DDX11: variants seen among roughly 807,000 people sequenced by gnomAD.
The protein encoded by DDX11 is ATP-dependent DNA helicase DDX11.
In DDX11, 72 loss-of-function variants were observed where a neutral mutation model predicts 125.2. The observed-to-expected ratio is 0.58, with a 90% CI of 0.48 to 0.70. DDX11 has a LOEUF of 0.70. Ranked by LOEUF, DDX11 falls within the 30% of genes least tolerant of loss-of-function variation. The pLI, the probability that DDX11 is intolerant of heterozygous loss-of-function variation, is 0.00. For missense variants in DDX11, 883 were observed against 1,165.0 expected, an observed-to-expected ratio of 0.76 and a Z score of 3.52; for synonymous variants, 347 against 452.6, an observed-to-expected ratio of 0.77 and a Z score of 2.96.
intron 6 of DDX11, among the ~76,000 whole-genome samples, chr12:31,088,502 G>A (rs953035785): frequency 2.0e-5 from 3 of 152,208 alleles, no homozygotes; most frequent in Non-Finnish European, 4.4e-5. Context: ...GGAGGGCTAT[G>A]GGTTGTGTAT....
intron 2 of DDX11, among the ~76,000 whole-genome samples, chr12:31,079,731 T>C (rs550115572): frequency 9.8e-5 from 15 of 152,324 alleles, no homozygotes; most frequent in African/African-American, 3.4e-4. Flanking sequence ...TCCTCCCCTC[T>C]CAGCCTCCCA....
rs1210865530 is a variant in DDX11, at chr12:31,093,299, G to A, written c.1344G>A (p.Leu448=). Residue 448 remains leucine (L), a synonymous_variant, in exon 12 of 27, where the codon CTG becomes CTA. Coordinates refer to ENST00000542838, the MANE Select transcript of DDX11 (RefSeq NM_030653.4). ...ACCTGAAGCAGATCCTGTATTTGCTGGAGAAATTCGTGGCTGTGCTAGGGG... is the reference window on the plus strand; with the variant it reads ...ACCTGAAGCAGATCCTGTATTTGCTAGAGAAATTCGTGGCTGTGCTAGGGG... The part of the protein sequence containing the change: ...LMYLKQILYL[L]EKFVAVLGGN... 1 of 1,613,652 alleles carries A rather than the reference G, an allele frequency of 6.2e-7. No individual in the cohort carries two copies. The highest frequency in any genetic ancestry group is 8.5e-7 in the Non-Finnish European group (1 of 1,179,834).
rs1942854568 is a variant in DDX11 at position 31,085,131 on chromosome 12, G to T, written c.638+5G>T. 2 of 1,555,858 alleles carry T rather than the reference G, an allele frequency of 1.3e-6. No homozygotes were observed. Among genetic ancestry groups the T allele is most frequent in the Non-Finnish European group, 1.7e-6 (2 of 1,150,002 alleles). On this transcript the variant is annotated splice_donor_5th_base_variant and intron_variant, in intron 5 of 26. Transcript: ENST00000542838. The stretch of plus-strand genomic sequence containing the variant: ...GGAGAAAAAGGTGGCGAGCAGGTGA[G>T]ACAGAGGCGGTAGCACTACCCTGCC...
At chr12:31,095,953 C>T (rs1945149564) in intron 14 of DDX11, among the ~76,000 whole-genome samples, 2 of 152,188 alleles carry the variant, frequency 1.3e-5, no homozygotes, top group African/African-American at 2.4e-5. Flanking sequence ...GACTGAGTGG[C>T]ACTGCCCCAG....
intron 5 of DDX11, chr12:31,086,052 C>T: frequency 4.4e-6 from 2 of 454,450 alleles, no homozygotes; most frequent in Non-Finnish European, 8.8e-6. Context: ...CCTCCAGCCG[C>T]CATCCACCAG....
rs1565941863 is a variant in DDX11 at position 31,103,701 on chromosome 12, C to T, written c.2661C>T (p.Thr887=). The T allele has an allele frequency of 1.9e-6, 3 of 1,613,964 alleles. No individual in the cohort carries two copies. The highest frequency in any genetic ancestry group is 2.2e-5 in the South Asian group (2 of 91,066). ...GAGCCCGTGTGGAGGTCAAAGCTAC[C>T]TTTGGCCCCGCCATTGCTGCTGTGC... ...WIRARVEVKA[T]FGPAIAAVQK... The change falls in exon 26 of 27, where the codon ACC becomes ACT. Residue 887 remains threonine, a synonymous_variant. Coordinates refer to ENST00000542838, the MANE Select transcript of DDX11 (RefSeq NM_030653.4).
intron 23 of DDX11, 76 bp from the exon 24 acceptor site, chr12:31,102,859 CG>C (rs1565936738): frequency 2.3e-6 from 3 of 1,319,310 alleles, no homozygotes; most frequent in Non-Finnish European, 3.3e-6. Flanking sequence ...AGGGGTAGAA[CG>C]GAGCAGCTGG....
intron 1 of DDX11, among the ~76,000 whole-genome samples, chr12:31,075,861 A>G (rs1223390342): frequency 2.6e-5 from 4 of 152,244 alleles, no homozygotes; most frequent in African/African-American, 9.6e-5. Context: ...CTATGAATAA[A>G]TTAAATACAG....
intron 12 of DDX11, chr12:31,093,734 A>T (rs1299606847): frequency 4.8e-6 from 1 of 210,358 alleles, no homozygotes; most frequent in Non-Finnish European, 9.1e-6. Flanking sequence ...AAAAAAAAAA[A>T]AAAAAAAAAA....
intron 1 of DDX11, among the ~76,000 whole-genome samples, chr12:31,077,569 C>T (rs1335779357): frequency 4.6e-5 from 7 of 151,890 alleles, no homozygotes; most frequent in Non-Finnish European, 8.8e-5. Context: ...ACGTGTAGGC[C>T]GGGTGCGGTG....
At chr12:31,086,662 A>T (rs1943219264) in intron 5 of DDX11, among the ~76,000 whole-genome samples, 1 of 150,052 alleles carries the variant, frequency 6.7e-6, no homozygotes, top group South Asian at 2.1e-4. Flanking sequence ...GGTGGTGAAT[A>T]TTAAAGGAAC....
intron 2 of DDX11, among the ~76,000 whole-genome samples, chr12:31,079,798 T>G (rs2140431264): frequency 6.6e-6 from 1 of 152,262 alleles, no homozygotes; most frequent in East Asian, 1.9e-4. Flanking sequence ...ATACACAGCT[T>G]CTTTTGTTTT....
intron 9 of DDX11, chr12:31,091,433 G>A (rs986901909): frequency 1.3e-5 from 5 of 398,784 alleles, no homozygotes; most frequent in Non-Finnish European, 2.3e-5. Flanking sequence ...GGGGCCTCCG[G>A]GGCGACCTTG....
intron 1 of DDX11, among the ~76,000 whole-genome samples, chr12:31,076,414 A>G (rs948481187): frequency 6.6e-6 from 1 of 152,058 alleles, no homozygotes; most frequent in African/African-American, 2.4e-5. Context: ...GCTTTCCCAG[A>G]TAGTTTCAAT....
rs1366121254 is a variant in DDX11, at chr12:31,078,961, A to G, written c.144+424A>G. On this transcript the variant is annotated intron_variant, in intron 2 of 26. Transcript: ENST00000542838. ...TTCGGCCTCCCAAAGTGCTAGGATTACAGGCATGAGTCACCGTGCCCGGCC... is the reference window on the plus strand; with the variant it reads ...TTCGGCCTCCCAAAGTGCTAGGATTGCAGGCATGAGTCACCGTGCCCGGCC... 2.0e-5 allele frequency among the ~76,000 whole-genome samples: 3 copies of G among 152,296 alleles called. No homozygotes were observed. The East Asian group carries it at 5.8e-4, about 29-fold the overall frequency.
At chr12:31,083,404 C>T (rs184185055) in intron 2 of DDX11, among the ~76,000 whole-genome samples, 40 of 152,086 alleles carry the variant, frequency 2.6e-4, no homozygotes, top group African/African-American at 7.2e-4. Flanking sequence ...ACGAAGGCCG[C>T]GCGGTCACTC....
rs1271197264 is a variant in DDX11 at position 31,093,526 on chromosome 12, G to C, written c.1369+202G>C. ...GGTTAGGAGTTTTGAGACCAGCCTG[G>C]CCAACATGGTGAAATCCCATCTCTA... is the stretch of plus-strand genomic sequence containing the variant. On this transcript the variant is annotated intron_variant, in intron 12 of 26. Transcript: ENST00000542838. 3 of 715,908 alleles carry C rather than the reference G, an allele frequency of 4.2e-6. No homozygotes were observed. The Admixed American group carries it at 6.5e-5, about 16-fold the overall frequency. The allele number at this position is 715,908 out of a possible 1,614,324, so 44.3% of individuals were successfully genotyped here.
chr12:31,074,465 C>T (rs1940406386), intron 1 of DDX11: 2 of 152,258 alleles, frequency 1.3e-5, no homozygotes, highest in African/African-American at 4.8e-5. Flanking sequence ...ATGAGTCTAG[C>T]TTCCCCCAGG....
At chr12:31,103,162 C>CA in intron 24 of DDX11, 142 bp downstream of exon 24, 1 of 1,313,650 alleles carries the variant, frequency 7.6e-7, no homozygotes, top group Admixed American at 2.0e-5. Flanking sequence ...TGCCCCTCCA[C>CA]ACCCTCTTGA....
Sources: allele counts gnomAD v4.1 joint callset (sites outside exome capture counted in the v4.1 genomes callset), GRCh38; gene constraint gnomAD v4.1.1; transcripts MANE v1.5; gene names NCBI Gene and HGNC (gene_info 2026-07-23, HGNC 2026-07-21).